The following WDFY2 variants were observed in gnomAD, a reference collection of about 807,000 sequenced individuals.
WDFY2 encodes WD repeat and FYVE domain containing 2, also known as WD repeat and FYVE domain-containing protein 2.
Under a neutral mutation model 56.4 loss-of-function variants are expected in WDFY2, and 36 were observed. The ratio of observed to expected loss-of-function variants is 0.64; its 90% CI spans 0.49 to 0.84. The LOEUF (loss-of-function observed/expected upper bound fraction) is 0.84. WDFY2 is among the 40% of genes least tolerant of loss of function. The pLI, the probability that WDFY2 is intolerant of heterozygous loss-of-function variation, is 0.00. For synonymous variants in WDFY2, 176 were observed against 183.7 expected (o/e 0.96, Z 0.34); for missense variants, 444 against 512.2 (o/e 0.87, Z 1.29).
intron 2 of WDFY2, among the ~76,000 whole-genome samples, chr13:51,671,287 C>A (rs2138490705): frequency 1.3e-5 from 2 of 152,322 alleles, no homozygotes; most frequent in Middle Eastern, 6.8e-3. Flanking sequence ...TAAGGAATCT[C>A]CACACTGTTT....
intron 3 of WDFY2, among the ~76,000 whole-genome samples, chr13:51,699,976 T>C (rs1457780138): frequency 1.3e-5 from 2 of 152,232 alleles, no homozygotes; most frequent in African/African-American, 4.8e-5. Flanking sequence ...TGGAATATTA[T>C]ACAGCCATCA....
At chr13:51,732,205 A>T (rs1952739111) in intron 6 of WDFY2, among the ~76,000 whole-genome samples, 1 of 152,020 alleles carries the variant, frequency 6.6e-6, no homozygotes, top group African/African-American at 2.4e-5. Context: ...ATCTTGGCTC[A>T]CTGCAACCTC....
At chr13:51,695,134 C>T (rs1951838627) in intron 3 of WDFY2, among the ~76,000 whole-genome samples, 5 of 152,150 alleles carry the variant, frequency 3.3e-5, no homozygotes, top group Admixed American at 3.3e-4. Flanking sequence ...TGAATTTCCT[C>T]CTGTAGCTTG....
chr13:51,659,629 C>T (rs1211450885), intron 1 of WDFY2, among the ~76,000 whole-genome samples: 1 of 152,178 alleles, frequency 6.6e-6, no homozygotes, highest in African/African-American at 2.4e-5. Context: ...CTAGTTGAGT[C>T]TTTGGTGTCT....
At chr13:51,721,042 A>C (rs1027106784) in intron 5 of WDFY2, among the ~76,000 whole-genome samples, 1 of 152,154 alleles carries the variant, frequency 6.6e-6, no homozygotes, top group Non-Finnish European at 1.5e-5. Context: ...TAATTTGACC[A>C]TGATGATTAT....
chr13:51,628,304 C>T (rs957700534), intron 1 of WDFY2, among the ~76,000 whole-genome samples: 4 of 152,268 alleles, frequency 2.6e-5, no homozygotes, highest in African/African-American at 9.6e-5. Context: ...AGTGCTGCCC[C>T]ATGTGCATGC....
In WDFY2 at chr13:51,660,645, G is replaced by A. The variant is rs779740760; in HGVS notation, c.187G>A (p.Val63Ile). Reference protein sequence around the residue: ...KRDSGQYWPSVYHAMPSPCSC... With the variant: ...KRDSGQYWPSIYHAMPSPCSC... Reference sequence around the variant, plus strand: ...AGACAGTGGACAGTATTGGCCAAGCGTATACCATGCAATGCCTTGTAAGTA... The same window carrying A: ...AGACAGTGGACAGTATTGGCCAAGCATATACCATGCAATGCCTTGTAAGTA... Residue 63 changes from valine (V) to isoleucine (I), a missense_variant, in exon 2 of 12, where the codon GTA (valine) becomes ATA (isoleucine). Val to Ile is a conservative substitution (Grantham distance 29). Transcript: ENST00000298125. The A allele has an allele frequency of 5.9e-5, 95 of 1,613,680 alleles. 1 individual carries two copies. Among genetic ancestry groups the A allele is most frequent in the South Asian group, 3.6e-4 (33 of 91,060 alleles).
intron 1 of WDFY2, among the ~76,000 whole-genome samples, chr13:51,653,855 G>T (rs1199170271): frequency 6.6e-6 from 1 of 152,292 alleles, no homozygotes; most frequent in East Asian, 1.9e-4. Flanking sequence ...TGGGGGTCAG[G>T]GACCCACTTG....
intron 2 of WDFY2, among the ~76,000 whole-genome samples, chr13:51,671,382 A>G (rs1240129750): frequency 1.3e-5 from 2 of 152,010 alleles, no homozygotes; most frequent in Non-Finnish European, 2.9e-5. Flanking sequence ...CATCTATTAT[A>G]TTTTGATTTT....
At chr13:51,735,603 T>C (rs1952817285) in intron 6 of WDFY2, among the ~76,000 whole-genome samples, 1 of 152,226 alleles carries the variant, frequency 6.6e-6, no homozygotes, top group Admixed American at 6.5e-5. Flanking sequence ...CATCATCTTA[T>C]CATTGTACAT....
intron 3 of WDFY2, among the ~76,000 whole-genome samples, chr13:51,680,805 G>T (rs1955965074): frequency 1.3e-5 from 2 of 152,164 alleles, no homozygotes; most frequent in Admixed American, 1.3e-4. Flanking sequence ...CCCATGTCAG[G>T]ATAATGGTGG....
chr13:51,641,244 T>A (rs1201810485), intron 1 of WDFY2, among the ~76,000 whole-genome samples: 1 of 151,892 alleles, frequency 6.6e-6, no homozygotes, highest in African/African-American at 2.4e-5. Context: ...TAATTCTTTG[T>A]ATTTTTAGTA....
At chr13:51,675,071 TG>T in intron 2 of WDFY2, 98 bp from the exon 3 acceptor site, 1 of 1,018,766 alleles carries the variant, frequency 9.8e-7, no homozygotes, top group Non-Finnish European at 1.5e-6. Context: ...CAGGAGATAG[TG>T]GGGAAAGTAC....
At chr13:51,740,321 G>T (rs967041435) in intron 7 of WDFY2, among the ~76,000 whole-genome samples, 1 of 152,196 alleles carries the variant, frequency 6.6e-6, no homozygotes, top group African/African-American at 2.4e-5. Flanking sequence ...CTTGTCATCA[G>T]TTCATTAGAG....
At chr13:51,688,933 C>A (rs1257646019) in intron 3 of WDFY2, among the ~76,000 whole-genome samples, 1 of 152,092 alleles carries the variant, frequency 6.6e-6, no homozygotes, top group Non-Finnish European at 1.5e-5. Context: ...TTAAAATGTA[C>A]AACACTCTTT....
chr13:51,669,341 T>G (rs1233116513), intron 2 of WDFY2, among the ~76,000 whole-genome samples: 1 of 152,230 alleles, frequency 6.6e-6, no homozygotes, highest in Non-Finnish European at 1.5e-5. Flanking sequence ...CTTTCTTTAT[T>G]ATTTTACCAA....
rs759325063 is a variant in WDFY2, at chr13:51,758,213, C to T, written c.1086C>T (p.Phe362=). The change falls in exon 11 of 12, where the codon TTC becomes TTT. Residue 362 remains phenylalanine (F), a synonymous_variant. Transcript: ENST00000298125. ...CTAGACGTGCACCCACAGCCACCTT[C>T]CATGACAGTAAACATAACATTGTGC... is the stretch of plus-strand genomic sequence containing the variant. The part of the protein sequence containing the change: ...TDEERAPTAT[F]HDSKHNIVHV... 1.3e-6 allele frequency: 2 copies of T among 1,588,142 alleles called. No individual in the cohort carries two copies. The highest frequency in any genetic ancestry group is 2.7e-5 in the African/African-American group (2 of 74,722).
At chr13:51,665,729 A>G (rs565270774) in intron 2 of WDFY2, among the ~76,000 whole-genome samples, 1 of 152,138 alleles carries the variant, frequency 6.6e-6, no homozygotes, top group Non-Finnish European at 1.5e-5. Flanking sequence ...GATGTTGTGA[A>G]TAGGAGGCTT....
At chr13:51,694,686 CT>C (rs1207645405) in intron 3 of WDFY2, among the ~76,000 whole-genome samples, 2 of 152,096 alleles carry the variant, frequency 1.3e-5, no homozygotes, top group Admixed American at 6.6e-5. Flanking sequence ...TGAGGAGTAT[CT>C]TTGTGGCGTT....
Sources: gnomAD v4.1 joint callset for allele counts (sites outside exome capture counted in the v4.1 genomes callset) on GRCh38, gnomAD v4.1.1 for gene constraint, MANE v1.5 for transcripts, NCBI Gene and HGNC (gene_info 2026-07-23, HGNC 2026-07-21) for gene names.